UBE2V2: variants seen among roughly 807,000 people sequenced by gnomAD.
UBE2V2 encodes ubiquitin-conjugating enzyme E2 variant 2.
A neutral mutation model predicts 17.2 loss-of-function variants in UBE2V2; 9 were observed. The observed-to-expected ratio is 0.52, with a 90% CI of 0.32 to 0.91. The LOEUF (loss-of-function observed/expected upper bound fraction) is 0.91, where lower values mean the gene tolerates loss of function less well. Ranked by LOEUF, UBE2V2 falls within the 40% of genes least tolerant of loss-of-function variation. UBE2V2 has a pLI of 0.04. For synonymous variants in UBE2V2, 61 were observed against 57.5 expected (o/e 1.06, Z -0.28); for missense variants, 133 against 182.6 (o/e 0.73, Z 1.56).
chr8:48,058,856 T>G lies in UBE2V2; in HGVS notation c.292-1826T>G, dbSNP rs963410213. Among the ~76,000 whole-genome samples the G allele has an allele frequency of 3.6e-4, 55 of 152,014 alleles. 1 individual carries two copies. Among genetic ancestry groups the G allele is most frequent in the Admixed American group, 2.9e-3 (45 of 15,270 alleles). ...CTGTTAATATGATATATTACTCTGA[T>G]TTTTAAAATATTGAATCTATCTTGT... On this transcript the variant is annotated intron_variant, in intron 3 of 3. Transcript: ENST00000523111.
intron 1 of UBE2V2, among the ~76,000 whole-genome samples, chr8:48,016,701 C>T (rs774006584): frequency 1.3e-5 from 2 of 150,164 alleles, no homozygotes; most frequent in Non-Finnish European, 1.5e-5. Context: ...AGGCTGCTCT[C>T]GAACTCCCAA....
At chr8:48,017,606 C>T (rs1049019662) in intron 1 of UBE2V2, among the ~76,000 whole-genome samples, 14 of 152,230 alleles carry the variant, frequency 9.2e-5, no homozygotes, top group South Asian at 2.1e-4. Flanking sequence ...CTCCCGACCT[C>T]AGGTGGTCTG....
chr8:48,060,616 C>A, intron 3 of UBE2V2, 66 bp from the exon 4 acceptor site: 1 of 1,318,314 alleles, frequency 7.6e-7, no homozygotes, highest in Non-Finnish European at 9.8e-7. Context: ...TTAAAATATG[C>A]TTAACAAATT....
intron 3 of UBE2V2, among the ~76,000 whole-genome samples, chr8:48,059,133 C>T (rs1222315609): frequency 6.6e-6 from 1 of 151,992 alleles, no homozygotes; most frequent in Non-Finnish European, 1.5e-5. Context: ...CGGGGTTTCA[C>T]TGTGTTGCCC....
At chr8:48,010,140 A>G (rs1459059389) in intron 1 of UBE2V2, among the ~76,000 whole-genome samples, 1 of 152,214 alleles carries the variant, frequency 6.6e-6, no homozygotes, top group Non-Finnish European at 1.5e-5. Context: ...ATTAATGGCA[A>G]ATACTTTTTG....
chr8:47,998,317 G>C, the UBE2V2 span, among the ~76,000 whole-genome samples: 4 of 151,948 alleles, frequency 2.6e-5, no homozygotes, highest in Non-Finnish European at 4.4e-5. Context: ...AAGTAGGGGC[G>C]CACGTAGAAG....
At position 48,043,147 on chromosome 8, in the gene UBE2V2, C is replaced by A; in HGVS notation, c.131C>A (p.Thr44Lys). Reference sequence around the variant, plus strand: ...GAAGATGATGAAGATATGACACTTACAAGGTGGACAGGCATGATTATTGGG... The same window carrying A: ...GAAGATGATGAAGATATGACACTTAAAAGGTGGACAGGCATGATTATTGGG... ...GLEDDEDMTL[T>K]RWTGMIIGPP... The change falls in exon 2 of 4, where the codon ACA becomes AAA. Residue 44 changes from threonine to lysine, a missense_variant. Physicochemically the swap from Thr to Lys is moderately conservative, Grantham distance 78. Around this residue, in one of 3 missense-constraint regions of UBE2V2, gnomAD observed 92 missense variants for 124.3 expected, o/e 0.74. Transcript: ENST00000523111. The A allele has an allele frequency of 1.3e-6, 2 of 1,582,130 alleles. No homozygotes were observed. Among genetic ancestry groups the A allele is most frequent in the Non-Finnish European group, 1.7e-6 (2 of 1,161,560 alleles).
At chr8:48,023,323 C>T (rs1455551126) in intron 1 of UBE2V2, among the ~76,000 whole-genome samples, 1 of 150,804 alleles carries the variant, frequency 6.6e-6, no homozygotes, top group African/African-American at 2.4e-5. Flanking sequence ...TCAAGTGATT[C>T]TCCTGCCTCA....
At chr8:48,008,332 G>A (rs541750888), upstream of UBE2V2, 99 of 1,323,562 alleles carry the variant, frequency 7.5e-5, no homozygotes, top group Middle Eastern at 5.1e-4. Context: ...GCTGTCCCTC[G>A]GGTCGCCCCG....
intron 1 of UBE2V2, among the ~76,000 whole-genome samples, chr8:48,029,655 G>A (rs2091369739): frequency 1.3e-5 from 2 of 152,310 alleles, no homozygotes; most frequent in East Asian, 1.9e-4. Flanking sequence ...TTGGTGTACT[G>A]CTCTTCATGC....
intron 2 of UBE2V2, among the ~76,000 whole-genome samples, chr8:48,046,428 T>A (rs964604431): frequency 2.6e-5 from 4 of 151,964 alleles, no homozygotes; most frequent in Non-Finnish European, 5.9e-5. Context: ...TAATTTTGTA[T>A]TTTTAGTGGG....
At chr8:48,022,583 T>C (rs1185511177) in intron 1 of UBE2V2, among the ~76,000 whole-genome samples, 1 of 152,226 alleles carries the variant, frequency 6.6e-6, no homozygotes, top group Non-Finnish European at 1.5e-5. Flanking sequence ...TGTGTTTACT[T>C]TTCCCAGTGA....
At chr8:48,016,856 A>G (rs1013944219) in intron 1 of UBE2V2, among the ~76,000 whole-genome samples, 115 of 135,298 alleles carry the variant, frequency 8.5e-4, no homozygotes, top group Middle Eastern at 5.6e-3. Flanking sequence ...GCGAGATGTC[A>G]GTTGACTGCA....
chr8:48,016,552 G>A (rs1448139332), intron 1 of UBE2V2, among the ~76,000 whole-genome samples: 1 of 150,346 alleles, frequency 6.7e-6, no homozygotes, highest in African/African-American at 2.5e-5. Context: ...GCATGATCTC[G>A]GCTCATTGCA....
chr8:48,058,032 G>A (rs1040749066), intron 3 of UBE2V2, among the ~76,000 whole-genome samples: 13 of 152,136 alleles, frequency 8.5e-5, no homozygotes, highest in Non-Finnish European at 1.5e-5. Context: ...ATGTTGAATG[G>A]AAGTGATGAG....
At chr8:48,016,059 G>A (rs1003515084) in intron 1 of UBE2V2, among the ~76,000 whole-genome samples, 4 of 151,920 alleles carry the variant, frequency 2.6e-5, no homozygotes, top group African/African-American at 7.3e-5. Flanking sequence ...CGCCAAGCCC[G>A]GCTAATTTTT....
In UBE2V2 at chr8:48,062,341, C is replaced by T. The variant is rs1184773806; in HGVS notation, c.*1513C>T. ...ATGTGGTGGCTCATGCCGCTAATCC[C>T]AGCACTTTGGGAGGCTGAGACGGGC... On this transcript the variant is annotated 3_prime_UTR_variant, in exon 4 of 4. Transcript: ENST00000523111. 1 of 152,150 alleles carries T rather than the reference C, an allele frequency of 6.6e-6. No homozygotes were observed. Among genetic ancestry groups the T allele is most frequent in the East Asian group, 1.9e-4 (1 of 5,196 alleles). 9.4% of individuals were successfully genotyped at this position (152,150 alleles called of 1,614,324 possible). A position where few individuals can be genotyped will look rare whatever the true frequency, so the allele number is the denominator to read the frequency against.
intron 1 of UBE2V2, among the ~76,000 whole-genome samples, chr8:48,039,729 A>AC (rs2091448947): frequency 6.6e-6 from 1 of 151,746 alleles, no homozygotes; most frequent in South Asian, 2.1e-4. Context: ...AACTTTTCCT[A>AC]CTTTTTTTTT....
chr8:48,047,093 C>T (rs576534389), intron 2 of UBE2V2, among the ~76,000 whole-genome samples: 1 of 151,872 alleles, frequency 6.6e-6, no homozygotes, highest in East Asian at 1.9e-4. Context: ...AGGCATGCGA[C>T]ACCATGCCCG....
Sources: gnomAD v4.1 joint callset for allele counts (sites outside exome capture counted in the v4.1 genomes callset) on GRCh38, gnomAD v4.1.1 for gene constraint, gnomAD v4.1.1 regional missense constraint, MANE v1.5 for transcripts, NCBI Gene and HGNC (gene_info 2026-07-23, HGNC 2026-07-21) for gene names.